The following RERGL variants were observed in gnomAD, a reference collection of about 807,000 sequenced individuals.
RERGL encodes the protein RERG like, also known as ras-related and estrogen-regulated growth inhibitor-like protein.
A neutral mutation model predicts 24.7 loss-of-function variants in RERGL; 22 were observed. The observed-to-expected ratio is 0.89, with a 90% CI of 0.64 to 1.27. The LOEUF (loss-of-function observed/expected upper bound fraction) is 1.27. RERGL is among the 50% of genes most tolerant of loss of function. The probability of loss-of-function intolerance (pLI) is 0.00; values close to 1 mark genes in which losing one functional copy is unlikely to be tolerated. For missense variants in RERGL, 259 were observed against 235.3 expected (o/e 1.10, Z -0.66); for synonymous variants, 76 against 82.6 (o/e 0.92, Z 0.43).
intron 4 of RERGL, 120 bp from the exon 5 acceptor site, chr12:18,081,593 G>A (rs1591708959): frequency 3.3e-6 from 3 of 913,194 alleles, no homozygotes; most frequent in African/African-American, 3.4e-5. Flanking sequence ...AATATTGTGT[G>A]TATGTTACTT....
intron 2 of RERGL, among the ~76,000 whole-genome samples, chr12:18,088,306 A>G (rs1947238762): frequency 1.3e-5 from 2 of 152,024 alleles, no homozygotes; most frequent in African/African-American, 4.8e-5. Flanking sequence ...GTGTTGTACT[A>G]TTTCCCATAT....
At chr12:18,081,527 T>TTAA in intron 4 of RERGL, 54 bp from the exon 5 acceptor site, 1 of 1,093,866 alleles carries the variant, frequency 9.1e-7, no homozygotes, top group Non-Finnish European at 1.3e-6. Flanking sequence ...CTCTTTTTTT[T>TTAA]AAAAAAAAAA....
intron 4 of RERGL, among the ~76,000 whole-genome samples, chr12:18,082,171 T>C (rs1037039233): frequency 4.0e-5 from 6 of 148,662 alleles, no homozygotes; most frequent in African/African-American, 7.4e-5. Flanking sequence ...AATGAGAGCA[T>C]GCCCTTTGCG....
intron 1 of RERGL, chr12:18,089,253 CATT>C: frequency 6.2e-7 from 1 of 1,607,676 alleles, no homozygotes. Flanking sequence ...ACAGATTTCT[CATT>C]ATATTTGAGA....
Position 18,080,919 on chromosome 12 carries a change from G to C in RERGL, c.*272C>G. The stretch of plus-strand genomic sequence containing the variant: ...ACATAAACAGAGTTTATTTGGCAAG[G>C]CAAACTGGGATCGCTGTCCGCCAGT... On this transcript the variant is annotated 3_prime_UTR_variant, in exon 5 of 5. Coordinates refer to ENST00000538724, the MANE Select transcript of RERGL (RefSeq NM_001286201.2). 3.8e-6 allele frequency: 1 copy of C among 259,852 alleles called. No homozygotes were observed. Among genetic ancestry groups the C allele is most frequent in the Non-Finnish European group, 7.3e-6 (1 of 136,806 alleles). The allele number at this position is 259,852 out of a possible 1,614,324, so 16.1% of individuals were successfully genotyped here.
At chr12:18,085,245 A>G (rs1196001552) in intron 3 of RERGL, among the ~76,000 whole-genome samples, 1 of 152,150 alleles carries the variant, frequency 6.6e-6, no homozygotes, top group African/African-American at 2.4e-5. Context: ...TATTTTATTT[A>G]TTATGTTCTA....
At chr12:18,084,009 G>C (rs1266531978) in intron 4 of RERGL, among the ~76,000 whole-genome samples, 1 of 152,050 alleles carries the variant, frequency 6.6e-6, no homozygotes, top group Non-Finnish European at 1.5e-5. Context: ...AGGAATTGTT[G>C]ATCAGCCCTT....
In RERGL at chr12:18,081,525, T is replaced by A. The variant is rs1432500963; in HGVS notation, c.333-52A>T. On this transcript the variant is annotated intron_variant, in intron 4 of 4. Transcript: ENST00000538724. ...CAAGATTGTTTTAACAACTCTTTTT[T>A]TTAAAAAAAAAAAAAAAACAGATTT... The A allele has an allele frequency of 1.1e-5, 15 of 1,306,926 alleles. No individual in the cohort carries two copies. The African/African-American group carries it at 1.2e-4, about 10-fold the overall frequency. The allele number at this position is 1,306,926 out of a possible 1,614,324, so 81.0% of individuals were successfully genotyped here. A position where few individuals can be genotyped will look rare whatever the true frequency, so the allele number is the denominator to read the frequency against.
At chr12:18,082,803 A>G (rs935414487) in intron 4 of RERGL, among the ~76,000 whole-genome samples, 2 of 152,228 alleles carry the variant, frequency 1.3e-5, no homozygotes, top group African/African-American at 2.4e-5. Flanking sequence ...AGAAAATTGT[A>G]TAATCTCATG....
At chr12:18,089,314 GC>G in intron 1 of RERGL, 1 of 1,578,648 alleles carries the variant, frequency 6.3e-7, no homozygotes, top group Non-Finnish European at 8.6e-7. Context: ...ACTCAGTCTG[GC>G]TTCAAGGTAC....
chr12:18,084,639 T>A lies in RERGL; in HGVS notation c.210A>T (p.Thr70=), dbSNP rs1446053962. 2.5e-6 allele frequency: 4 copies of A among 1,610,410 alleles called. No homozygotes were observed. The highest frequency in any genetic ancestry group is 3.4e-6 in the Non-Finnish European group (4 of 1,178,800). Residue 70 remains threonine (T), a synonymous_variant, in exon 4 of 5, where the codon ACA becomes ACT. Coordinates refer to ENST00000538724, the MANE Select transcript of RERGL (RefSeq NM_001286201.2). ...ACCCATCTGCCCAGTGAAGCTCACT[T>A]GTGAGGGAGAATTTTGCTTTCTGTG... is the stretch of plus-strand genomic sequence containing the variant. ...SQTQKAKFSL[T]SELHWADGFV...
intron 1 of RERGL, 64 bp from the exon 2 acceptor site, chr12:18,089,020 T>G: frequency 7.4e-7 from 1 of 1,354,378 alleles, no homozygotes; most frequent in Non-Finnish European, 1.0e-6. Flanking sequence ...TTTGGTTATG[T>G]GCATAAGGCT....
intron 3 of RERGL, among the ~76,000 whole-genome samples, chr12:18,085,132 T>C (rs1306504511): frequency 6.6e-6 from 1 of 152,190 alleles, no homozygotes; most frequent in Admixed American, 6.6e-5. Flanking sequence ...TCTCATACAG[T>C]TGTTTTGAAA....
intron 1 of RERGL, chr12:18,089,398 G>T: frequency 2.2e-6 from 3 of 1,346,622 alleles, no homozygotes; most frequent in South Asian, 4.1e-5. Context: ...ACAAATCCAG[G>T]AAATAGAAAA....
At chr12:18,083,534 C>T (rs1947192086) in intron 4 of RERGL, among the ~76,000 whole-genome samples, 1 of 152,026 alleles carries the variant, frequency 6.6e-6, no homozygotes, top group African/African-American at 2.4e-5. Flanking sequence ...ATCTGTTTCT[C>T]CTATCCTGCT....
At chr12:18,088,072 A>G (rs897247891) in intron 2 of RERGL, among the ~76,000 whole-genome samples, 1 of 152,142 alleles carries the variant, frequency 6.6e-6, no homozygotes, top group Non-Finnish European at 1.5e-5. Flanking sequence ...ATACACTTGC[A>G]ATCATAAATT....
intron 1 of RERGL, 23 bp downstream of exon 1, chr12:18,090,066 A>C: frequency 6.6e-7 from 1 of 1,522,950 alleles, no homozygotes; most frequent in Non-Finnish European, 8.8e-7. Context: ...CTCTATGATA[A>C]CAGAGAAGAT....
intron 4 of RERGL, among the ~76,000 whole-genome samples, chr12:18,082,685 T>A (rs914010696): frequency 3.3e-5 from 5 of 152,214 alleles, no homozygotes; most frequent in African/African-American, 9.6e-5. Flanking sequence ...TCTTTACTTA[T>A]ACAGTTACTA....
intron 4 of RERGL, 125 bp downstream of exon 4, chr12:18,084,392 A>C: frequency 1.4e-6 from 1 of 734,688 alleles, no homozygotes; most frequent in Non-Finnish European, 2.1e-6. Flanking sequence ...TGGAATAGGA[A>C]GGTGAATTGT....
Sources: allele counts gnomAD v4.1 joint callset (sites outside exome capture counted in the v4.1 genomes callset), GRCh38; gene constraint gnomAD v4.1.1; transcripts MANE v1.5; gene names NCBI Gene and HGNC (gene_info 2026-07-23, HGNC 2026-07-21).